The following IFT172 variants were observed in gnomAD, a reference collection of about 807,000 sequenced individuals.
The protein encoded by IFT172 is intraflagellar transport protein 172 homolog.
IFT172 carries 164 observed loss-of-function variants against 248.9 expected under a neutral mutation model. The ratio of observed to expected loss-of-function variants is 0.66; its 90% CI spans 0.58 to 0.75. The LOEUF (loss-of-function observed/expected upper bound fraction) is 0.75. Ranked by LOEUF, IFT172 falls within the 30% of genes least tolerant of loss-of-function variation. The pLI, the probability that IFT172 is intolerant of heterozygous loss-of-function variation, is 0.00. For missense variants in IFT172, 1,950 were observed against 2,192.4 expected (o/e 0.89, Z 2.21); for synonymous variants, 729 against 791.6 (o/e 0.92, Z 1.33).
intron 14 of IFT172, among the ~76,000 whole-genome samples, chr2:27,474,309 A>G (rs1667806663): frequency 1.3e-5 from 2 of 152,228 alleles, no homozygotes; most frequent in Admixed American, 1.3e-4. Context: ...TATTTTAAGA[A>G]TGGACTCATG....
chr2:27,476,980 T>C, intron 13 of IFT172: 1 of 591,204 alleles, frequency 1.7e-6, no homozygotes. Context: ...TGTGCCACCA[T>C]GCCTGGATAA....
intron 1 of IFT172, chr2:27,486,101 G>A (rs1668751591): frequency 6.0e-6 from 1 of 167,230 alleles, no homozygotes; most frequent in African/African-American, 2.4e-5. Context: ...GAATGGCAAT[G>A]AGCAAAGGCA....
Position 27,461,413 on chromosome 2 carries a change from C to T in IFT172, c.2298G>A (p.Gly766=). The T allele has an allele frequency of 1.2e-6, 2 of 1,614,212 alleles. No homozygotes were observed. The highest frequency in any genetic ancestry group is 1.7e-6 in the Non-Finnish European group (2 of 1,180,036). ...TGAGGTAGAGGCTGATGGCTGCTAG[C>T]CCATCCCCTTGGCTCTCCTGTAGTT... is the stretch of plus-strand genomic sequence containing the variant. The part of the protein sequence containing the change: ...AGELQESQGD[G]LAAISLYLKA... The change falls in exon 22 of 48, where the codon GGG becomes GGA. Residue 766 remains glycine (G), a synonymous_variant. Transcript: ENST00000260570.
In IFT172 at chr2:27,453,610, C is replaced by G; in HGVS notation, c.3821+20G>C. ...ACCCTCCCAGCCCTGCCAATGCTGC[C>G]TGGACCTCTGGCCTCATACCTGGCC... On this transcript the variant is annotated intron_variant, in intron 34 of 47. Transcript: ENST00000260570. The G allele has an allele frequency of 6.2e-7, 1 of 1,608,646 alleles. No homozygotes were observed. Among genetic ancestry groups the G allele is most frequent in the Non-Finnish European group, 8.5e-7 (1 of 1,176,072 alleles).
chr2:27,448,969 G>T lies in IFT172; in HGVS notation c.4374C>A (p.Ser1458Arg). 1 of 1,612,484 alleles carries T rather than the reference G, an allele frequency of 6.2e-7. No individual in the cohort carries two copies. Among genetic ancestry groups the T allele is most frequent in the Non-Finnish European group, 8.5e-7 (1 of 1,178,452 alleles). ...CATACAGGGCCAATGCCTGGGCAGA[G>T]CTACCCTCCCGGATCAAGTGAGTTG... ...LYATHLIREGSSAQALALYVQ... is the reference protein window; with the variant it reads ...LYATHLIREGRSAQALALYVQ... Residue 1458 changes from serine (S) to arginine (R), a missense_variant, in exon 40 of 48, where the codon AGC (serine) becomes AGA (arginine). Physicochemically the swap from Ser to Arg is moderately radical, Grantham distance 110. This residue lies in a region of IFT172 where 620 missense variants were observed against 699.0 expected (regional missense o/e 0.89). Transcript: ENST00000260570.
Position 27,449,773 on chromosome 2 carries a change from G to A in IFT172, c.4078C>T (p.Leu1360Phe), listed in dbSNP as rs774816349. 2 of 1,613,854 alleles carry A rather than the reference G, an allele frequency of 1.2e-6. No homozygotes were observed. The highest frequency in any genetic ancestry group is 2.2e-5 in the East Asian group (1 of 44,870). ...AAAELYLNLDLVKEAIDAFIE... is the reference protein window; with the variant it reads ...AAAELYLNLDFVKEAIDAFIE... Reference sequence around the variant, plus strand: ...AAAGCATCGATTGCTTCCTTGACAAGGTCCAGATTCAGATAGAGCTCTGCA... The same window carrying A: ...AAAGCATCGATTGCTTCCTTGACAAAGTCCAGATTCAGATAGAGCTCTGCA... Residue 1360 changes from leucine to phenylalanine, a missense_variant, in exon 37 of 48, where the codon CTT (leucine) becomes TTT (phenylalanine). Leu to Phe is a conservative substitution (Grantham distance 22, BLOSUM62 0). Coordinates refer to ENST00000260570, the MANE Select transcript of IFT172 (RefSeq NM_015662.3).
In IFT172 at chr2:27,470,929, C is replaced by G. The variant is rs148710037; in HGVS notation, c.1691G>C (p.Arg564Thr). 1 of 1,601,330 alleles carries G rather than the reference C, an allele frequency of 6.2e-7. No individual in the cohort carries two copies. Among genetic ancestry groups the G allele is most frequent in the African/African-American group, 1.3e-5 (1 of 74,266 alleles). The stretch of plus-strand genomic sequence containing the variant: ...GAGGGCCCCTAGTGTCCAACATACC[C>G]TAATAGTGAACATGGTGACTCTCTC... ...APERVTMFTIRGDVIGLERGG... is the reference protein window; with the variant it reads ...APERVTMFTITGDVIGLERGG... The change falls in exon 16 of 48, where the codon AGG (arginine) becomes ACG (threonine). Residue 564 changes from arginine to threonine, a missense_variant and splice_region_variant. Transcript: ENST00000260570.
At chr2:27,477,526 C>T in intron 12 of IFT172, 33 bp downstream of exon 12, 1 of 1,504,218 alleles carries the variant, frequency 6.6e-7, no homozygotes, top group Non-Finnish European at 9.3e-7. Flanking sequence ...GGAGGCTTAT[C>T]AAGATGGTGA....
chr2:27,482,293 AT>A (rs1296311342), intron 7 of IFT172, among the ~76,000 whole-genome samples: 1 of 148,294 alleles, frequency 6.7e-6, no homozygotes, highest in Non-Finnish European at 1.5e-5. Flanking sequence ...TATACAAGTA[AT>A]TCTTTTTTTT....
At position 27,447,864 on chromosome 2, in the gene IFT172, C is replaced by A. The variant is rs149435148; in HGVS notation, c.4487G>T (p.Cys1496Phe). 3 of 1,613,860 alleles carry A rather than the reference C, an allele frequency of 1.9e-6. No homozygotes were observed. The African/African-American group carries it at 4.0e-5, about 22-fold the overall frequency. The change falls in exon 41 of 48, where the codon TGT becomes TTT. Residue 1496 changes from cysteine to phenylalanine, a missense_variant. Around this residue, in one of 3 missense-constraint regions of IFT172, gnomAD observed 620 missense variants for 699.0 expected, o/e 0.89. Coordinates refer to ENST00000260570, the MANE Select transcript of IFT172 (RefSeq NM_015662.3). ...TDMVSSPGTN[C>F]AEAYHSWADL... ...AGCCCAGCTATGATAGGCCTCGGCA[C>A]AGTTGGTTCCAGGAGAGCTCACCAT...
chr2:27,452,937 ATGT>A (rs1312398087), intron 35 of IFT172, among the ~76,000 whole-genome samples: 2 of 152,116 alleles, frequency 1.3e-5, no homozygotes, highest in Non-Finnish European at 2.9e-5. Flanking sequence ...TTTTCAGGAA[ATGT>A]TGGGTGGGGG....
chr2:27,473,405 G>C (rs1262090708), intron 14 of IFT172, among the ~76,000 whole-genome samples: 1 of 144,814 alleles, frequency 6.9e-6, no homozygotes, highest in African/African-American at 2.5e-5. Flanking sequence ...TGATAAAGCC[G>C]TATTTTTTTT....
rs748403646 is a variant in IFT172 at position 27,480,067 on chromosome 2, T to C, written c.868A>G (p.Thr290Ala). ...CCATCCCGCTTCCAGGCCAAGGCAG[T>C]GATGGTGTATAAATTGGTAATCTCC... ...PKEITNLYTITALAWKRDGSR... is the reference protein window; with the variant it reads ...PKEITNLYTIAALAWKRDGSR... Residue 290 changes from threonine to alanine, a missense_variant, in exon 9 of 48, where the codon ACT becomes GCT. Transcript: ENST00000260570. 6.2e-7 allele frequency: 1 copy of C among 1,613,742 alleles called. No homozygotes were observed. The highest frequency in any genetic ancestry group is 1.7e-5 in the Admixed American group (1 of 60,004).
chr2:27,451,580 G>A (rs1276998636), intron 35 of IFT172, among the ~76,000 whole-genome samples: 1 of 151,998 alleles, frequency 6.6e-6, no homozygotes, highest in Non-Finnish European at 1.5e-5. Flanking sequence ...TGGCTAACAC[G>A]GTGAAACCCC....
At chr2:27,485,816 G>T (rs1668730959) in intron 1 of IFT172, among the ~76,000 whole-genome samples, 1 of 152,182 alleles carries the variant, frequency 6.6e-6, no homozygotes, top group Admixed American at 6.5e-5. Context: ...CAATTAGTCT[G>T]GTAAGTTTTG....
chr2:27,467,610 CT>C (rs1190827390), intron 16 of IFT172, among the ~76,000 whole-genome samples: 5 of 69,672 alleles, frequency 7.2e-5, no homozygotes, highest in Non-Finnish European at 1.2e-4. Flanking sequence ...GAGACCCTGT[CT>C]CCAAAAAAAA....
At position 27,454,501 on chromosome 2, in the gene IFT172, C is replaced by A; in HGVS notation, c.3465+66G>T. ...GCATGAGACTGGGGGTCTGCACACC[C>A]AGCAGCAGTGCACTAGGGGATGGAA... On this transcript the variant is annotated intron_variant, in intron 31 of 47. Coordinates refer to ENST00000260570, the MANE Select transcript of IFT172 (RefSeq NM_015662.3). The surrounding 1 kb of genome is among the most constrained non-coding windows in gnomAD (Gnocchi z 4.2). 6.2e-7 allele frequency: 1 copy of A among 1,608,156 alleles called. No homozygotes were observed. Among genetic ancestry groups the A allele is most frequent in the Non-Finnish European group, 8.5e-7 (1 of 1,174,568 alleles).
At chr2:27,483,684 G>A in intron 5 of IFT172, 25 bp from the exon 6 acceptor site, 1 of 1,609,370 alleles carries the variant, frequency 6.2e-7, no homozygotes, top group Non-Finnish European at 8.5e-7. Flanking sequence ...ATTGATACAA[G>A]TATGGTTAGG....
chr2:27,448,024 A>C, intron 40 of IFT172, 102 bp from the exon 41 acceptor site: 1 of 746,426 alleles, frequency 1.3e-6, no homozygotes, highest in Non-Finnish European at 2.4e-6. Context: ...TGTGTGTAGA[A>C]ATGGGTATGT....
Sources: allele counts gnomAD v4.1 joint callset (sites outside exome capture counted in the v4.1 genomes callset), GRCh38; gene constraint gnomAD v4.1.1; regional missense constraint gnomAD v4.1.1; non-coding constraint Gnocchi (gnomAD v3.1); transcripts MANE v1.5; gene names NCBI Gene and HGNC (gene_info 2026-07-23, HGNC 2026-07-21).